PCDHGA3: variants seen among roughly 807,000 people sequenced by gnomAD.
PCDHGA3 encodes protocadherin gamma-A3.
PCDHGA3 carries 40 observed loss-of-function variants against 58.5 expected under a neutral mutation model. That is an observed-to-expected ratio of 0.68 (90% CI 0.53 to 0.89). The LOEUF is 0.89. Among genes scored for constraint, PCDHGA3 ranks in the 40% least tolerant of loss-of-function variants. PCDHGA3 has a pLI of 0.00. For missense variants in PCDHGA3, 1,223 were observed against 1,195.9 expected (o/e 1.02, Z -0.33); for synonymous variants, 530 against 525.7 (o/e 1.01, Z -0.11).
At chr5:141,375,540 A>C in intron 1 of PCDHGA3, 1 of 1,613,910 alleles carries the variant, frequency 6.2e-7, no homozygotes, top group Non-Finnish European at 8.5e-7. Flanking sequence ...CAGAACGCCC[A>C]AGTCTCCTAC....
At position 141,345,539 on chromosome 5, in the gene PCDHGA3, C is replaced by T. The variant is rs748154971; in HGVS notation, c.1506C>T (p.Ser502=). Residue 502 remains serine (S), a synonymous_variant, in exon 1 of 4, where the codon TCC becomes TCT. Transcript: ENST00000253812. ...TEDTLQGAPL[S]SFVSINSNTG... ...ACACTCTCCAGGGGGCGCCCCTGTC[C>T]TCCTTCGTCTCTATCAACTCCAACA... The T allele has an allele frequency of 1.9e-6, 3 of 1,614,080 alleles. No individual in the cohort carries two copies. The highest frequency in any genetic ancestry group is 1.3e-5 in the African/African-American group (1 of 74,926).
rs1418195492 is a variant in PCDHGA3 at position 141,431,459 on chromosome 5, G to T, written c.2425-63348G>T. 4 of 1,613,692 alleles carry T rather than the reference G, an allele frequency of 2.5e-6. No homozygotes were observed. The highest frequency in any genetic ancestry group is 3.4e-6 in the Non-Finnish European group (4 of 1,179,994). Reference sequence around the variant, plus strand: ...CGCGCGCATCCGCGTGATGGTTCTGGATGCGAACGACAACGCACCAGCGTT... The same window carrying T: ...CGCGCGCATCCGCGTGATGGTTCTGTATGCGAACGACAACGCACCAGCGTT... On this transcript the variant is annotated intron_variant, in intron 1 of 3. Transcript: ENST00000253812. This position sits in a 1 kb window ranked among gnomAD's most constrained non-coding sequence, Gnocchi z 4.8.
intron 1 of PCDHGA3, chr5:141,366,436 C>T (rs757760710): frequency 1.9e-6 from 3 of 1,614,076 alleles, no homozygotes; most frequent in African/African-American, 1.3e-5. Context: ...CAGTCTCCTG[C>T]GTCTTCCTGG....
At chr5:141,400,766 C>T in intron 1 of PCDHGA3, 1 of 577,074 alleles carries the variant, frequency 1.7e-6, no homozygotes, top group South Asian at 2.3e-5. Context: ...CTAGCAAAAA[C>T]ATTTGGTGCG....
rs70988800 is a variant in PCDHGA3, at chr5:141,379,889, C to CTTTTTTTTTTTTTTTTTTTTTTT, written c.2424+33440_2424+33462dup. Among the ~76,000 whole-genome samples the CTTTTTTTTTTTTTTTTTTTTTTT allele has an allele frequency of 1.4e-3, 69 of 50,828 alleles. 14 individuals are homozygous for CTTTTTTTTTTTTTTTTTTTTTTT. The highest frequency in any genetic ancestry group is 2.0e-3 in the Non-Finnish European group (53 of 25,880). 33.3% of individuals were successfully genotyped at this position (50,828 alleles called of 152,430 possible). Reference sequence around the variant, plus strand: ...CTTATTTTATGGTCTGTGAAAGCCTCTTTTTTTTTTTTTTTTTTTTTTTTT... The same window carrying CTTTTTTTTTTTTTTTTTTTTTTT: ...CTTATTTTATGGTCTGTGAAAGCCTCTTTTTTTTTTTTTTTTTTTTTTTTTTTTTTTTTTTTTTTTTTTTTTTT... On this transcript the variant is annotated intron_variant, in intron 1 of 3. Coordinates refer to ENST00000253812, the MANE Select transcript of PCDHGA3 (RefSeq NM_018916.4).
At position 141,487,635 on chromosome 5, in the gene PCDHGA3, A is replaced by C. The variant is rs1594699829; in HGVS notation, c.2425-7172A>C. 1.2e-6 allele frequency: 2 copies of C among 1,614,204 alleles called. No individual in the cohort carries two copies. Among genetic ancestry groups the C allele is most frequent in the Non-Finnish European group, 1.7e-6 (2 of 1,180,034 alleles). On this transcript the variant is annotated intron_variant, in intron 1 of 3. Transcript: ENST00000253812. The surrounding 1 kb of genome is among the most constrained non-coding windows in gnomAD (Gnocchi z 5.0). Reference sequence around the variant, plus strand: ...CTAGAGGTGAGACCTTTGCAGGCTCAACAAATGCTTGAGGGTTATTCTGAT... The same window carrying C: ...CTAGAGGTGAGACCTTTGCAGGCTCCACAAATGCTTGAGGGTTATTCTGAT...
chr5:141,409,761 T>A, intron 1 of PCDHGA3: 1 of 1,612,966 alleles, frequency 6.2e-7, no homozygotes, highest in Non-Finnish European at 8.5e-7. Context: ...CAGCGCGCCT[T>A]TGATCACGAG....
intron 1 of PCDHGA3, chr5:141,415,308 C>T: frequency 6.2e-7 from 1 of 1,614,236 alleles, no homozygotes; most frequent in Non-Finnish European, 8.5e-7. Flanking sequence ...TCCTGGCCTT[C>T]GTCATCGTGC....
At chr5:141,404,302 T>G (rs377754198) in intron 1 of PCDHGA3, 1 of 1,613,858 alleles carries the variant, frequency 6.2e-7, no homozygotes, top group African/African-American at 1.3e-5. Flanking sequence ...ATAATCCACC[T>G]GCTTTCTCTC....
rs1323122206 is a variant in PCDHGA3, at chr5:141,345,369, A to T, written c.1336A>T (p.Asn446Tyr). The T allele has an allele frequency of 6.2e-7, 1 of 1,613,940 alleles. No individual in the cohort carries two copies. The highest frequency in any genetic ancestry group is 8.5e-7 in the Non-Finnish European group (1 of 1,180,004). ...CATCACCCTGCATGTGATTGACATC[A>T]ATGACAACCCACCCACCTTCCCTCA... is the stretch of plus-strand genomic sequence containing the variant. Reference protein sequence around the residue: ...THITLHVIDINDNPPTFPHLS... With the variant: ...THITLHVIDIYDNPPTFPHLS... The change falls in exon 1 of 4, where the codon AAT (asparagine) becomes TAT (tyrosine). Residue 446 changes from asparagine to tyrosine, a missense_variant. By Grantham distance (143) the Asn-to-Tyr change is moderately radical. Transcript: ENST00000253812.
In PCDHGA3 at chr5:141,356,738, T is replaced by C; in HGVS notation, c.2424+10281T>C. On this transcript the variant is annotated intron_variant, in intron 1 of 3. Transcript: ENST00000253812. ...GTCTCCATCAACTCCAATACAGGGA[T>C]CCTATATGCTCTTTGCTCCTTCGAC... 1 of 1,613,924 alleles carries C rather than the reference T, an allele frequency of 6.2e-7. No individual in the cohort carries two copies. Among genetic ancestry groups the C allele is most frequent in the Non-Finnish European group, 8.5e-7 (1 of 1,179,848 alleles).
At chr5:141,464,870 C>G (rs1488189681) in intron 1 of PCDHGA3, among the ~76,000 whole-genome samples, 1 of 152,126 alleles carries the variant, frequency 6.6e-6, no homozygotes, top group Non-Finnish European at 1.5e-5. Flanking sequence ...TCCCAAGTAG[C>G]TAGGACTACA....
intron 1 of PCDHGA3, chr5:141,352,413 A>C (rs1759005544): frequency 1.9e-6 from 3 of 1,613,844 alleles, no homozygotes; most frequent in South Asian, 2.2e-5. Flanking sequence ...TCCAGCCTCG[A>C]CACTGAGGGC....
intron 1 of PCDHGA3, chr5:141,418,609 C>G: frequency 6.2e-7 from 1 of 1,614,026 alleles, no homozygotes. Flanking sequence ...ACAGGGTTAG[C>G]CTTCGGGAAG....
intron 1 of PCDHGA3, chr5:141,375,182 G>A (rs1194415432): frequency 2.5e-6 from 4 of 1,613,936 alleles, no homozygotes; most frequent in South Asian, 1.1e-5. Flanking sequence ...AACAGTAATC[G>A]CCCTTTTTCA....
intron 1 of PCDHGA3, chr5:141,371,902 C>T: frequency 6.2e-7 from 1 of 1,613,404 alleles, no homozygotes; most frequent in Non-Finnish European, 8.5e-7. Flanking sequence ...GAGCTGTCGT[C>T]CTACGTGTCC....
chr5:141,384,547 C>T (rs1780195966), intron 1 of PCDHGA3: 15 of 1,614,252 alleles, frequency 9.3e-6, no homozygotes, highest in Non-Finnish European at 1.3e-5. Flanking sequence ...GTCACTGAGC[C>T]TGTTCGTGCT....
intron 1 of PCDHGA3, among the ~76,000 whole-genome samples, chr5:141,465,094 G>GT (rs138941665): frequency 0.11 from 15,577 of 148,094 alleles, 909 homozygotes; most frequent in African/African-American, 0.15. Flanking sequence ...TTTTCTAGTA[G>GT]TTTTTTTTTT....
intron 1 of PCDHGA3, among the ~76,000 whole-genome samples, chr5:141,470,036 C>T (rs573955901): frequency 5.3e-5 from 8 of 152,022 alleles, no homozygotes; most frequent in South Asian, 2.1e-4. Flanking sequence ...TGCTGAGGCG[C>T]GAGAACTGTT....
Sources: allele counts gnomAD v4.1 joint callset (sites outside exome capture counted in the v4.1 genomes callset), GRCh38; gene constraint gnomAD v4.1.1; non-coding constraint Gnocchi (gnomAD v3.1); transcripts MANE v1.5; gene names NCBI Gene and HGNC (gene_info 2026-07-23, HGNC 2026-07-21).